Variants in SARNP observed in about 807,000 individuals in gnomAD.
SARNP encodes SAP domain-containing ribonucleoprotein.
SARNP carries 5 observed loss-of-function variants against 38.1 expected under a neutral mutation model. That is an observed-to-expected ratio of 0.13 (90% CI 0.07 to 0.28). SARNP has a LOEUF of 0.28. Among genes scored for constraint, SARNP ranks in the 10% least tolerant of loss-of-function variants. The pLI, the probability that SARNP is intolerant of heterozygous loss-of-function variation, is 1.00. For synonymous variants in SARNP, 84 were observed against 80.6 expected (o/e 1.04, Z -0.23); for missense variants, 180 against 243.9 (o/e 0.74, Z 1.75).
chr12:55,803,507 C>T (rs1880045912), intron 2 of SARNP, 122 bp downstream of exon 2: 2 of 531,454 alleles, frequency 3.8e-6, no homozygotes, highest in Non-Finnish European at 3.3e-6. Context: ...AGAGAGTTTT[C>T]TTGATGCCGT....
intron 9 of SARNP, among the ~76,000 whole-genome samples, chr12:55,769,258 G>A (rs200909035): frequency 6.6e-6 from 1 of 152,236 alleles, no homozygotes; most frequent in African/African-American, 2.4e-5. Context: ...CAATAGCATT[G>A]TAGCCATAAA....
chr12:55,760,984 G>A (rs1878657769), intron 9 of SARNP, among the ~76,000 whole-genome samples: 1 of 151,902 alleles, frequency 6.6e-6, no homozygotes. Flanking sequence ...ACACCAGCCT[G>A]GCCAAGATGA....
chr12:55,807,037 C>T (rs1000541450), intron 1 of SARNP, among the ~76,000 whole-genome samples: 14 of 152,168 alleles, frequency 9.2e-5, no homozygotes, highest in Admixed American at 6.5e-5. Context: ...AAGAAATCCT[C>T]CCACCCGAAC....
intron 1 of SARNP, 48 bp from the exon 2 acceptor site, chr12:55,803,776 CAGTGAATAAAATGGT>C (rs1565682343): frequency 1.3e-5 from 16 of 1,256,364 alleles, no homozygotes; most frequent in Non-Finnish European, 1.8e-5. Flanking sequence ...GGATGAACAC[CAGTGAATAAAATGGT>C]AGTTCCCACA....
chr12:55,772,950 G>A (rs2136184511), intron 9 of SARNP, among the ~76,000 whole-genome samples: 1 of 152,140 alleles, frequency 6.6e-6, no homozygotes, highest in South Asian at 2.1e-4. Context: ...TCCAATCTCA[G>A]GTGATCTGCC....
In SARNP at chr12:55,791,673, C is replaced by T. The variant is rs746131253; in HGVS notation, c.407-1081G>A. On this transcript the variant is annotated intron_variant, in intron 7 of 10. Coordinates refer to ENST00000336133, the MANE Select transcript of SARNP (RefSeq NM_033082.4). ...TGGCGCCACTGTGCTCCAGCCTGGG[C>T]GACAGAGCAAGACTCCATCTCAAAA... 6.6e-5 allele frequency among the ~76,000 whole-genome samples: 10 copies of T among 150,926 alleles called. No homozygotes were observed. In the East Asian group the frequency reaches 9.7e-4, roughly 15 times the overall value.
Position 55,777,463 on chromosome 12 carries a change from C to T in SARNP, c.501+11612G>A, listed in dbSNP as rs908990107. Among the ~76,000 whole-genome samples, 14 of 152,050 alleles carry T rather than the reference C, an allele frequency of 9.2e-5. 1 individual carries two copies. In the East Asian group the frequency reaches 2.5e-3, roughly 27 times the overall value. On this transcript the variant is annotated intron_variant, in intron 9 of 10. Transcript: ENST00000336133. ...CATCTAGGCTCACTGCAACCTCTGC[C>T]TCCCGGGTTCAAGCGATTCTCCTGC...
chr12:55,785,839 T>C (rs1205765831), intron 9 of SARNP, among the ~76,000 whole-genome samples: 1 of 151,216 alleles, frequency 6.6e-6, no homozygotes, highest in Non-Finnish European at 1.5e-5. Flanking sequence ...AGTGTCACTA[T>C]CATGGCTCAC....
At chr12:55,808,675 C>T (rs1361435069) in intron 1 of SARNP, among the ~76,000 whole-genome samples, 7 of 151,870 alleles carry the variant, frequency 4.6e-5, no homozygotes, top group East Asian at 1.9e-4. Flanking sequence ...GTGGGAGGAA[C>T]GCTTGAACCT....
chr12:55,769,692 G>A (rs575895425), intron 9 of SARNP, among the ~76,000 whole-genome samples: 21 of 152,286 alleles, frequency 1.4e-4, no homozygotes, highest in South Asian at 2.1e-4. Flanking sequence ...ACTTTACAAC[G>A]GCGAACGATG....
chr12:55,773,873 A>G (rs1471942835), intron 9 of SARNP, among the ~76,000 whole-genome samples: 1 of 151,828 alleles, frequency 6.6e-6, no homozygotes, highest in African/African-American at 2.4e-5. Flanking sequence ...CACACCAGCT[A>G]ATTTTTGTAT....
chr12:55,807,263 G>A (rs902436630), intron 1 of SARNP, among the ~76,000 whole-genome samples: 4 of 152,142 alleles, frequency 2.6e-5, no homozygotes, highest in Non-Finnish European at 5.9e-5. Flanking sequence ...GCTTACACTC[G>A]GTTTTTGTAT....
chr12:55,786,827 A>C (rs1437036346), intron 9 of SARNP, among the ~76,000 whole-genome samples: 1 of 152,170 alleles, frequency 6.6e-6, no homozygotes, highest in Non-Finnish European at 1.5e-5. Flanking sequence ...TCTCAACTTC[A>C]AATTTTTTCT....
downstream of SARNP, chr12:55,754,551 A>C (rs1878442694): frequency 6.6e-6 from 1 of 152,170 alleles, no homozygotes; most frequent in Non-Finnish European, 1.5e-5. Flanking sequence ...CTTTTTCTCA[A>C]AATACGACTG....
chr12:55,795,478 T>C (rs1255299830), intron 5 of SARNP, among the ~76,000 whole-genome samples: 1 of 152,148 alleles, frequency 6.6e-6, no homozygotes, highest in Non-Finnish European at 1.5e-5. Flanking sequence ...AAAAGCTATG[T>C]TTGGCTGACC....
intron 1 of SARNP, among the ~76,000 whole-genome samples, chr12:55,814,462 T>C (rs1018576690): frequency 1.3e-5 from 2 of 152,230 alleles, no homozygotes; most frequent in African/African-American, 2.4e-5. Flanking sequence ...ACTCTGACAC[T>C]ACTATCACTT....
chr12:55,794,782 G>A (rs773821259), intron 6 of SARNP, 25 bp downstream of exon 6: 6 of 1,436,718 alleles, frequency 4.2e-6, no homozygotes, highest in Non-Finnish European at 5.9e-6. Flanking sequence ...CCCTATCAGA[G>A]GCCCAAAAGG....
At chr12:55,768,125 C>CTTATTTAT (rs746174248) in intron 9 of SARNP, among the ~76,000 whole-genome samples, 1 of 151,630 alleles carries the variant, frequency 6.6e-6, no homozygotes. Context: ...CTCTCTCTCT[C>CTTATTTAT]TTATTTATTT....
intron 1 of SARNP, among the ~76,000 whole-genome samples, chr12:55,816,563 C>G (rs1225995726): frequency 6.6e-6 from 1 of 152,044 alleles, no homozygotes; most frequent in Non-Finnish European, 1.5e-5. Context: ...CTCTCCCTAC[C>G]CTTACTACCC....
Sources: gnomAD v4.1 joint callset for allele counts (sites outside exome capture counted in the v4.1 genomes callset) on GRCh38, gnomAD v4.1.1 for gene constraint, MANE v1.5 for transcripts, NCBI Gene and HGNC (gene_info 2026-07-23, HGNC 2026-07-21) for gene names.